The following LMO7 variants were observed in gnomAD, a reference collection of about 807,000 sequenced individuals.
LMO7 encodes the protein LIM domain 7.
In LMO7, 120 loss-of-function variants were observed where a neutral mutation model predicts 206.5. The ratio of observed to expected loss-of-function variants is 0.58; its 90% confidence interval spans 0.50 to 0.68. The LOEUF is 0.68. Among genes scored for constraint, LMO7 ranks in the 30% least tolerant of loss-of-function variants. The pLI, the probability that LMO7 is intolerant of heterozygous loss-of-function variation, is 0.00. For missense variants in LMO7, 1,959 were observed against 1,957.9 expected (o/e 1.00, Z -0.01); for synonymous variants, 706 against 681.5 (o/e 1.04, Z -0.56).
rs776666654 is a variant in LMO7, at chr13:75,823,642, A to C, written c.2718A>C (p.Ala906=). The C allele has an allele frequency of 1.7e-5, 27 of 1,614,192 alleles. No homozygotes were observed. In the East Asian group the frequency reaches 6.0e-4, roughly 36 times the overall value. Reference sequence around the variant, plus strand: ...CAAACAATGTGGTCAGCACCCCTGCACCAAGCCCGGACGCAAGCCAACTGG... The same window carrying C: ...CAAACAATGTGGTCAGCACCCCTGCCCCAAGCCCGGACGCAAGCCAACTGG... ...RTPNNVVSTP[A]PSPDASQLAS... Residue 906 remains alanine, a synonymous_variant, in exon 15 of 31, where the codon GCA becomes GCC. Transcript: ENST00000377534.
At chr13:75,806,422 T>C (rs1252595955) in intron 9 of LMO7, 4 of 164,522 alleles carry the variant, frequency 2.4e-5, no homozygotes, top group Non-Finnish European at 5.0e-5. Context: ...ACACGCTGCT[T>C]TCTGTGCAAC....
intron 2 of LMO7, among the ~76,000 whole-genome samples, chr13:75,718,653 A>G (rs1307006084): frequency 1.3e-5 from 2 of 152,114 alleles, no homozygotes; most frequent in African/African-American, 2.4e-5. Context: ...ATCATCACCC[A>G]GAGTCCATGG....
chr13:75,681,736 A>ATATATATGTATATATATATATATATATG (rs1566304947), intron 1 of LMO7, among the ~76,000 whole-genome samples: 1 of 133,220 alleles, frequency 7.5e-6, no homozygotes, highest in Admixed American at 7.7e-5. Context: ...ATATATATAT[A>ATATATATGTATATATATATATATATATG]TATATATATA....
chr13:75,808,477 A>G (rs2055853322), intron 10 of LMO7, among the ~76,000 whole-genome samples: 1 of 152,148 alleles, frequency 6.6e-6, no homozygotes, highest in Non-Finnish European at 1.5e-5. Flanking sequence ...GGTACTATCC[A>G]CCAATATGAA....
intron 1 of LMO7, among the ~76,000 whole-genome samples, chr13:75,692,250 C>T (rs1036219034): frequency 6.6e-6 from 1 of 152,092 alleles, no homozygotes; most frequent in Non-Finnish European, 1.5e-5. Flanking sequence ...TCCAGACTAC[C>T]CAGGCCCTAG....
At chr13:75,691,542 T>A (rs2139635867) in intron 1 of LMO7, among the ~76,000 whole-genome samples, 1 of 152,268 alleles carries the variant, frequency 6.6e-6, no homozygotes, top group South Asian at 2.1e-4. Flanking sequence ...CTGGGCCTTT[T>A]CACTCTGGCC....
chr13:75,801,237 C>CA lies in LMO7; in HGVS notation c.661+370dup, dbSNP rs200955354. ...ACATAGAAAGGAATATAAGATTCTG[C>CA]AAAAAAAAAAAAAAATCTTCTAGTT... On this transcript the variant is annotated intron_variant, in intron 7 of 30. Coordinates refer to ENST00000377534, the MANE Select transcript of LMO7 (RefSeq NM_001306080.2). Among the ~76,000 whole-genome samples, 687 of 113,304 alleles carry CA rather than the reference C, an allele frequency of 6.1e-3. 2 individuals are homozygous for CA. The highest frequency in any genetic ancestry group is 0.029 in the Middle Eastern group (6 of 206). 74.3% of individuals were successfully genotyped at this position (113,304 alleles called of 152,430 possible).
intron 4 of LMO7, among the ~76,000 whole-genome samples, chr13:75,794,834 G>C (rs1327985547): frequency 6.6e-6 from 1 of 152,128 alleles, no homozygotes; most frequent in African/African-American, 2.4e-5. Context: ...TTCAGGCAGA[G>C]GTTCATGGCT....
At chr13:75,785,187 G>A (rs1427630111) in intron 4 of LMO7, among the ~76,000 whole-genome samples, 1 of 152,114 alleles carries the variant, frequency 6.6e-6, no homozygotes, top group Non-Finnish European at 1.5e-5. Flanking sequence ...TTCAGGATAT[G>A]ATGAAGATAA....
chr13:75,821,547 G>A lies in LMO7; in HGVS notation c.2578G>A (p.Val860Ile), dbSNP rs1348286211. The A allele has an allele frequency of 6.2e-7, 1 of 1,613,888 alleles. No homozygotes were observed. The highest frequency in any genetic ancestry group is 8.5e-7 in the Non-Finnish European group (1 of 1,179,970). The change falls in exon 14 of 31, where the codon GTC becomes ATC. Residue 860 changes from valine (V) to isoleucine (I), a missense_variant. Coordinates refer to ENST00000377534, the MANE Select transcript of LMO7 (RefSeq NM_001306080.2). ...KTDTVRLTSV[V>I]TPRPFGSQTR... ...TGATACAGTCAGGTTAACATCTGTG[G>A]TCACACCAAGACCCTTTGGCTCTCA...
chr13:75,649,640 G>T (rs2037374016), intron 1 of LMO7, among the ~76,000 whole-genome samples: 1 of 152,074 alleles, frequency 6.6e-6, no homozygotes, highest in Non-Finnish European at 1.5e-5. Flanking sequence ...GAAGAGGTCA[G>T]AAGAGCTATC....
intron 1 of LMO7, among the ~76,000 whole-genome samples, chr13:75,707,207 A>C: frequency 6.6e-6 from 1 of 151,904 alleles, no homozygotes. Flanking sequence ...AAAAGATAAC[A>C]TTAAAAATAA....
At chr13:75,726,113 A>T (rs1030613973) in intron 2 of LMO7, among the ~76,000 whole-genome samples, 1 of 151,382 alleles carries the variant, frequency 6.6e-6, no homozygotes, top group Non-Finnish European at 1.5e-5. Context: ...GTTCTTGTGG[A>T]TGGGTTTTTG....
At chr13:75,647,279 C>G (rs1362125303) in intron 1 of LMO7, among the ~76,000 whole-genome samples, 1 of 152,118 alleles carries the variant, frequency 6.6e-6, no homozygotes, top group African/African-American at 2.4e-5. Context: ...ATCTTTTTAG[C>G]CCTGTGACAT....
chr13:75,859,201 T>C lies in LMO7; in HGVS notation c.*1258T>C, dbSNP rs2061152802. On this transcript the variant is annotated 3_prime_UTR_variant, in exon 31 of 31. Transcript: ENST00000377534. The stretch of plus-strand genomic sequence containing the variant: ...AGGATTCTAGGAACTGAGAACTGTA[T>C]TGGAATAGGTTCAAAATATGTAAGA... The C allele has an allele frequency of 6.6e-6, 1 of 152,218 alleles. No individual in the cohort carries two copies. Among genetic ancestry groups the C allele is most frequent in the Non-Finnish European group, 1.5e-5 (1 of 68,032 alleles). 9.4% of individuals were successfully genotyped at this position (152,218 alleles called of 1,614,324 possible). A position where few individuals can be genotyped will look rare whatever the true frequency, so the allele number is the denominator to read the frequency against.
intron 1 of LMO7, among the ~76,000 whole-genome samples, chr13:75,692,156 C>G (rs1029257820): frequency 2.0e-5 from 3 of 152,122 alleles, no homozygotes; most frequent in Non-Finnish European, 4.4e-5. Context: ...TATTTTCAAA[C>G]TTGCTCTATT....
Position 75,804,411 on chromosome 13 carries a change from T to A in LMO7, c.784T>A (p.Leu262Ile). Residue 262 changes from leucine (L) to isoleucine (I), a missense_variant, in exon 8 of 31, where the codon TTA becomes ATA. Coordinates refer to ENST00000377534, the MANE Select transcript of LMO7 (RefSeq NM_001306080.2). ...GACTGCGTTACCCTTCAATCGTTTT[T>A]TACCCAACAAAAGTAGACAGCCATC... Reference protein sequence around the residue: ...PKTALPFNRFLPNKSRQPSYV... With the variant: ...PKTALPFNRFIPNKSRQPSYV... 6.2e-7 allele frequency: 1 copy of A among 1,614,190 alleles called. No individual in the cohort carries two copies. The highest frequency in any genetic ancestry group is 8.5e-7 in the Non-Finnish European group (1 of 1,180,018).
chr13:75,840,492 G>T lies in LMO7; in HGVS notation c.3579G>T (p.Leu1193=), dbSNP rs1595455595. The change falls in exon 22 of 31, where the codon CTG becomes CTT. Residue 1193 remains leucine (L), a synonymous_variant. Coordinates refer to ENST00000377534, the MANE Select transcript of LMO7 (RefSeq NM_001306080.2). Reference sequence around the variant, plus strand: ...GGCAGAAGGAGCAGGACCGCCTACTGCAGGTAGCTCTGGCTCACGTGGACG... The same window carrying T: ...GGCAGAAGGAGCAGGACCGCCTACTTCAGGTAGCTCTGGCTCACGTGGACG... The part of the protein sequence containing the change: ...ERWQKEQDRL[L]QEKYQREQEK... 1 of 1,613,766 alleles carries T rather than the reference G, an allele frequency of 6.2e-7. No homozygotes were observed.
At chr13:75,653,931 T>G (rs2037809308) in intron 1 of LMO7, among the ~76,000 whole-genome samples, 2 of 152,176 alleles carry the variant, frequency 1.3e-5, no homozygotes, top group South Asian at 4.1e-4. Flanking sequence ...AATGTATAAT[T>G]TCATTGTGTG....
Sources: gnomAD v4.1 joint callset for allele counts (sites outside exome capture counted in the v4.1 genomes callset) on GRCh38, gnomAD v4.1.1 for gene constraint, MANE v1.5 for transcripts, NCBI Gene and HGNC (gene_info 2026-07-23, HGNC 2026-07-21) for gene names.